FAM13A: variants seen among roughly 807,000 people sequenced by gnomAD.
The protein encoded by FAM13A is protein FAM13A.
A neutral mutation model predicts 129.6 loss-of-function variants in FAM13A; 76 were observed. The observed-to-expected ratio is 0.59, with a 90% confidence interval of 0.49 to 0.71. The LOEUF is 0.71. FAM13A is among the 30% of genes least tolerant of loss of function. The pLI is 0.00. For synonymous variants in FAM13A, 443 were observed against 449.9 expected (o/e 0.98, Z 0.20); for missense variants, 1,108 against 1,249.3 (o/e 0.89, Z 1.70).
intron 19 of FAM13A, among the ~76,000 whole-genome samples, chr4:88,739,818 G>A (rs893610861): frequency 1.4e-5 from 2 of 146,194 alleles, no homozygotes; most frequent in Non-Finnish European, 3.0e-5. Flanking sequence ...TACATATCAT[G>A]TAGTTCATTT....
intron 5 of FAM13A, among the ~76,000 whole-genome samples, chr4:88,922,528 A>C (rs2148723683): frequency 6.6e-6 from 1 of 152,266 alleles, no homozygotes; most frequent in Admixed American, 6.5e-5. Flanking sequence ...AACATACCAG[A>C]ATCTCTGGGA....
intron 7 of FAM13A, among the ~76,000 whole-genome samples, chr4:88,810,269 A>G (rs960957776): frequency 4.6e-5 from 7 of 152,174 alleles, no homozygotes; most frequent in African/African-American, 1.7e-4. Context: ...TGTTTAGTGG[A>G]AATTTGAAAT....
intron 20 of FAM13A, among the ~76,000 whole-genome samples, chr4:88,738,203 G>A (rs1739410145): frequency 6.6e-6 from 1 of 152,186 alleles, no homozygotes; most frequent in Admixed American, 6.5e-5. Context: ...CCAGACAGGA[G>A]CAGCAGCTAA....
chr4:89,021,202 T>C (rs904750389), intron 2 of FAM13A, among the ~76,000 whole-genome samples: 2 of 152,166 alleles, frequency 1.3e-5, no homozygotes, highest in Admixed American at 1.3e-4. Context: ...CTTCAGTCAG[T>C]TGATGGGGGA....
In FAM13A at chr4:88,860,470, G is replaced by A. The variant is rs146664702; in HGVS notation, c.844-9287C>T. Among the ~76,000 whole-genome samples, 547 of 152,304 alleles carry A rather than the reference G, an allele frequency of 3.6e-3. 4 individuals carry two copies. Among genetic ancestry groups the A allele is most frequent in the African/African-American group, 0.012 (506 of 41,560 alleles). On this transcript the variant is annotated intron_variant, in intron 6 of 23. Transcript: ENST00000264344. ...ACCACAATTATCTGGTGATCTGTTTGCATTTCTATGATATATCCACAAGTG... is the reference window on the plus strand; with the variant it reads ...ACCACAATTATCTGGTGATCTGTTTACATTTCTATGATATATCCACAAGTG...
At chr4:88,913,395 CAAAG>C (rs1330573835) in intron 5 of FAM13A, among the ~76,000 whole-genome samples, 2 of 99,162 alleles carry the variant, frequency 2.0e-5, no homozygotes, top group South Asian at 3.3e-4. Flanking sequence ...AGGAGGAAGA[CAAAG>C]AAGAAGAAGT....
chr4:88,960,929 T>C (rs1188146249), intron 4 of FAM13A, among the ~76,000 whole-genome samples: 1 of 152,184 alleles, frequency 6.6e-6, no homozygotes, highest in Non-Finnish European at 1.5e-5. Flanking sequence ...AAAAATTATA[T>C]TTATGGAAAT....
intron 4 of FAM13A, among the ~76,000 whole-genome samples, chr4:88,954,219 T>A (rs1042055715): frequency 6.6e-6 from 1 of 152,220 alleles, no homozygotes; most frequent in Non-Finnish European, 1.5e-5. Flanking sequence ...CCAATGAACA[T>A]TTTCTTCATT....
chr4:88,938,388 T>G, intron 4 of FAM13A, 147 bp from the exon 5 acceptor site: 1 of 597,746 alleles, frequency 1.7e-6, no homozygotes, highest in Non-Finnish European at 2.8e-6. Flanking sequence ...GTAACATGCA[T>G]GACATTGTTG....
chr4:89,000,825 T>C (rs1211776061), intron 3 of FAM13A, among the ~76,000 whole-genome samples: 2 of 152,260 alleles, frequency 1.3e-5, no homozygotes, highest in Non-Finnish European at 2.9e-5. Flanking sequence ...TGAGTGTACC[T>C]ACTTCTCCTC....
At chr4:88,928,265 T>C (rs552738432) in intron 5 of FAM13A, among the ~76,000 whole-genome samples, 4 of 152,304 alleles carry the variant, frequency 2.6e-5, no homozygotes, top group South Asian at 2.1e-4. Context: ...ATGTGGTCTA[T>C]CTCAGAGAAT....
At chr4:88,929,465 T>A (rs921501644) in intron 5 of FAM13A, among the ~76,000 whole-genome samples, 3 of 150,876 alleles carry the variant, frequency 2.0e-5, no homozygotes, top group African/African-American at 4.8e-5. Flanking sequence ...TTTCATCAAT[T>A]ATTTCCTTAG....
intron 5 of FAM13A, chr4:88,936,158 A>G (rs1479263973): frequency 1.3e-5 from 2 of 152,132 alleles, no homozygotes; most frequent in African/African-American, 4.8e-5. Flanking sequence ...AAACCTAGTC[A>G]CTCAAGGATT....
intron 1 of FAM13A, 106 bp downstream of exon 1, chr4:89,056,832 G>T: frequency 8.9e-7 from 1 of 1,122,276 alleles, no homozygotes; most frequent in Non-Finnish European, 1.3e-6. Context: ...CCACCTCCTG[G>T]GAAGGAAAAA....
intron 4 of FAM13A, among the ~76,000 whole-genome samples, chr4:88,945,990 G>GTGTGTGTGTCTATATATATATA: frequency 1.6e-5 from 1 of 61,966 alleles, no homozygotes; most frequent in Non-Finnish European, 2.9e-5. Context: ...GTGTGTGTGT[G>GTGTGTGTGTCTATATATATATA]TATATATATA....
intron 5 of FAM13A, among the ~76,000 whole-genome samples, chr4:88,924,001 G>T (rs1282030059): frequency 6.6e-6 from 1 of 152,156 alleles, no homozygotes; most frequent in Non-Finnish European, 1.5e-5. Context: ...TACAAAGGAC[G>T]TGAAGGACCT....
At chr4:88,764,644 C>A (rs1018069412) in intron 13 of FAM13A, among the ~76,000 whole-genome samples, 2 of 152,130 alleles carry the variant, frequency 1.3e-5, no homozygotes, top group African/African-American at 4.8e-5. Flanking sequence ...TAATAATACA[C>A]AGAAGAACAA....
intron 4 of FAM13A, among the ~76,000 whole-genome samples, chr4:88,943,560 T>C (rs1464317667): frequency 1.3e-5 from 2 of 152,248 alleles, no homozygotes; most frequent in Admixed American, 6.5e-5. Context: ...CCACAGTTAA[T>C]TGCTTTATTC....
chr4:88,979,308 A>C (rs533232435), intron 4 of FAM13A, among the ~76,000 whole-genome samples: 2 of 152,322 alleles, frequency 1.3e-5, no homozygotes, highest in Admixed American at 1.3e-4. Context: ...CATACCCTTT[A>C]ACCAGCAAGT....
Sources: allele counts gnomAD v4.1 joint callset (sites outside exome capture counted in the v4.1 genomes callset), GRCh38; gene constraint gnomAD v4.1.1; transcripts MANE v1.5; gene names NCBI Gene and HGNC (gene_info 2026-07-23, HGNC 2026-07-21).